ARHGEF25: variants seen among roughly 807,000 people sequenced by gnomAD.
ARHGEF25 encodes Rho guanine nucleotide exchange factor 25, also known as RAC/CDC42 exchange factor.
ARHGEF25 carries 42 observed loss-of-function variants against 74.0 expected under a neutral mutation model. The observed-to-expected ratio is 0.57, with a 90% CI of 0.44 to 0.73. The LOEUF is 0.73. Among genes scored for constraint, ARHGEF25 ranks in the 30% least tolerant of loss-of-function variants. ARHGEF25 has a pLI of 0.00. For synonymous variants in ARHGEF25, 293 were observed against 278.6 expected (o/e 1.05, Z -0.51); for missense variants, 645 against 725.5 (o/e 0.89, Z 1.27).
At chr12:57,610,450 T>A, upstream of ARHGEF25, 1 of 1,092,308 alleles carries the variant, frequency 9.2e-7, no homozygotes, top group Non-Finnish European at 1.3e-6. Context: ...ACGAGGGCCA[T>A]AGCCCCGTTC....
At position 57,613,712 on chromosome 12, in the gene ARHGEF25, G is replaced by C. The variant is rs1392173597; in HGVS notation, c.504G>C (p.Leu168=). 6.2e-7 allele frequency: 1 copy of C among 1,614,006 alleles called. No homozygotes were observed. Among genetic ancestry groups the C allele is most frequent in the Non-Finnish European group, 8.5e-7 (1 of 1,179,998 alleles). ...LERSMYVLSE[L]VETEKMYVDD... ...ATCCTAGGTATGTCCTGAGTGAACT[G>C]GTAGAAACAGAGAAAATGTACGTGG... The change falls in exon 5 of 15, where the codon CTG becomes CTC. Residue 168 remains leucine, a synonymous_variant. Transcript: ENST00000286494.
rs1884147454 is a variant in ARHGEF25 at position 57,613,518 on chromosome 12, TA to T, written c.485+4del. 1 of 1,614,072 alleles carries T rather than the reference TA, an allele frequency of 6.2e-7. No homozygotes were observed. Among genetic ancestry groups the T allele is most frequent in the South Asian group, 1.1e-5 (1 of 91,080 alleles). On this transcript the variant is annotated splice_donor_region_variant and intron_variant, in intron 4 of 14. Transcript: ENST00000286494. The stretch of plus-strand genomic sequence containing the variant: ...GAAGAAGGCTCTGGAAAGGAGTATG[TA>T]AGTGTCCACAGCCCTTCCCTGCAGT...
In ARHGEF25 at chr12:57,611,772, C is replaced by T. The variant is rs1319272864; in HGVS notation, c.-123C>T. ...CTCCCGGTCCCCTCCCTCCCCCCCT[C>T]CCACAGCCTGGACCGGGGTAGGAGG... On this transcript the variant is annotated 5_prime_UTR_variant, in exon 1 of 15. Transcript: ENST00000286494. This position sits in a 1 kb window ranked among gnomAD's most constrained non-coding sequence, Gnocchi z 4.5. The T allele has an allele frequency of 6.1e-6, 7 of 1,146,202 alleles. No homozygotes were observed. Among genetic ancestry groups the T allele is most frequent in the Non-Finnish European group, 3.3e-6 (3 of 916,068 alleles). 71.0% of individuals were successfully genotyped at this position (1,146,202 alleles called of 1,614,324 possible). A position where few individuals can be genotyped will look rare whatever the true frequency, so the allele number is the denominator to read the frequency against.
rs984236213 is a variant in ARHGEF25, at chr12:57,616,001, A to G, written c.1404A>G (p.Gln468=). 1.2e-6 allele frequency: 2 copies of G among 1,612,516 alleles called. No homozygotes were observed. Among genetic ancestry groups the G allele is most frequent in the South Asian group, 1.1e-5 (1 of 90,894 alleles). Residue 468 remains glutamine, a synonymous_variant, in exon 13 of 15, where the codon CAA becomes CAG. Transcript: ENST00000286494. The stretch of plus-strand genomic sequence containing the variant: ...ATGTGGCTCAGATCTTGGAGAGCCA[A>G]CGGGACTTCCTCAACGGTGAAGCTC... ...IKHVAQILES[Q]RDFLNALQSP...
rs140959163 is a variant in ARHGEF25 at position 57,613,055 on chromosome 12, G to A, written c.223G>A (p.Val75Ile). ...CTGTTCCCCAGGCCCCCCAGGGCCCGTCAGTGGCCTGAGGAGATGGTTGGA... is the reference window on the plus strand; with the variant it reads ...CTGTTCCCCAGGCCCCCCAGGGCCCATCAGTGGCCTGAGGAGATGGTTGGA... ...GPCSPGPPGP[V>I]SGLRRWLDHS... Residue 75 changes from valine (V) to isoleucine (I), a missense_variant, in exon 2 of 15, where the codon GTC (valine) becomes ATC (isoleucine). Val to Ile is a conservative substitution (Grantham distance 29). Around this residue, in one of 3 missense-constraint regions of ARHGEF25, gnomAD observed 189 missense variants for 199.1 expected, o/e 0.95. Transcript: ENST00000286494. 3.9e-4 allele frequency: 628 copies of A among 1,614,152 alleles called. 1 individual carries two copies. Among genetic ancestry groups the A allele is most frequent in the Non-Finnish European group, 4.9e-4 (583 of 1,180,006 alleles).
At position 57,613,531 on chromosome 12, in the gene ARHGEF25, C is replaced by T; in HGVS notation, c.485+15C>T. On this transcript the variant is annotated intron_variant, in intron 4 of 14. Coordinates refer to ENST00000286494, the MANE Select transcript of ARHGEF25 (RefSeq NM_182947.4). ...GAAAGGAGTATGTAAGTGTCCACAG[C>T]CCTTCCCTGCAGTTGCACAACTTCC... 1 of 1,614,108 alleles carries T rather than the reference C, an allele frequency of 6.2e-7. No homozygotes were observed.
At chr12:57,612,847 A>T in intron 1 of ARHGEF25, 83 bp from the exon 2 acceptor site, 1 of 1,540,842 alleles carries the variant, frequency 6.5e-7, no homozygotes. Context: ...CATCATGAAG[A>T]GAAGACCCTG....
chr12:57,611,927 C>A lies in ARHGEF25; in HGVS notation c.33C>A (p.Ala11=). 7.7e-7 allele frequency: 1 copy of A among 1,300,482 alleles called. No individual in the cohort carries two copies. Among genetic ancestry groups the A allele is most frequent in the Non-Finnish European group, 9.9e-7 (1 of 1,012,352 alleles). The allele number at this position is 1,300,482 out of a possible 1,614,324, so 80.6% of individuals were successfully genotyped here. A position where few individuals can be genotyped will look rare whatever the true frequency, so the allele number is the denominator to read the frequency against. The change falls in exon 1 of 15, where the codon GCC becomes GCA. Residue 11 remains alanine (A), a synonymous_variant. Transcript: ENST00000286494. This position sits in a 1 kb window ranked among gnomAD's most constrained non-coding sequence, Gnocchi z 4.5. The part of the protein sequence containing the change: MRGGHKGGRC[A]CPRVIRKVLA... ...GGGGGCACAAAGGGGGTCGCTGTGC[C>A]TGTCCCCGTGTGATCCGAAAAGTGC...
Position 57,613,733 on chromosome 12 carries a change from C to T in ARHGEF25, c.525C>T (p.Tyr175=), listed in dbSNP as rs763363527. Residue 175 remains tyrosine, a synonymous_variant, in exon 5 of 15, where the codon TAC becomes TAT. Coordinates refer to ENST00000286494, the MANE Select transcript of ARHGEF25 (RefSeq NM_182947.4). ...AACTGGTAGAAACAGAGAAAATGTA[C>T]GTGGACGACTTGGGGCAGATTGTGG... ...LSELVETEKM[Y]VDDLGQIVEG... is the part of the protein sequence containing the mutation. 1.3e-5 allele frequency: 21 copies of T among 1,613,996 alleles called. 1 individual carries two copies. In the South Asian group the frequency reaches 1.4e-4, roughly 11 times the overall value.
upstream of ARHGEF25, among the ~76,000 whole-genome samples, chr12:57,610,871 C>G (rs1357745622): frequency 6.6e-6 from 1 of 152,134 alleles, no homozygotes; most frequent in Non-Finnish European, 1.5e-5. Flanking sequence ...CGATCCCGAG[C>G]CCTCGCAGGC....
chr12:57,615,837 G>T lies in ARHGEF25; in HGVS notation c.1240G>T (p.Val414Leu), dbSNP rs1396636714. Residue 414 changes from valine (V) to leucine (L), a missense_variant and splice_region_variant, in exon 13 of 15, where the codon GTG (valine) becomes TTG (leucine). Val to Leu is a conservative substitution (Grantham distance 32). This residue lies in a region of ARHGEF25 where 262 missense variants were observed against 256.9 expected (regional missense o/e 1.02). Coordinates refer to ENST00000286494, the MANE Select transcript of ARHGEF25 (RefSeq NM_182947.4). ...GGCTGTCTCCTATCTGCCAATTCAG[G>T]TGAGCTGCCTGGGACTGGAGGGGAA... ...PGYVYKNSIK[V>L]SCLGLEGNLQ... The T allele has an allele frequency of 6.2e-7, 1 of 1,613,348 alleles. No individual in the cohort carries two copies. The highest frequency in any genetic ancestry group is 8.5e-7 in the Non-Finnish European group (1 of 1,179,656).
intron 10 of ARHGEF25, 104 bp from the exon 11 acceptor site, chr12:57,615,133 G>A (rs755624600): frequency 1.5e-4 from 241 of 1,562,326 alleles, no homozygotes; most frequent in Non-Finnish European, 2.0e-4. Flanking sequence ...GGGGAGGCTG[G>A]TTGGGGTTGA....
chr12:57,611,682 CCTCT>C lies in ARHGEF25; in HGVS notation c.-204_-201del, dbSNP rs1185831516. On this transcript the variant is annotated 5_prime_UTR_variant, in exon 1 of 15. Coordinates refer to ENST00000286494, the MANE Select transcript of ARHGEF25 (RefSeq NM_182947.4). This position sits in a 1 kb window ranked among gnomAD's most constrained non-coding sequence, Gnocchi z 4.5. Reference sequence around the variant, plus strand: ...CCCAGCCCGGCGGCCGGGCCCCGCGCCTCTCTCTCTCTAGAGCCCCCAGCCCTCC... The same window carrying C: ...CCCAGCCCGGCGGCCGGGCCCCGCGCCTCTCTCTAGAGCCCCCAGCCCTCC... 2.6e-6 allele frequency: 3 copies of C among 1,134,094 alleles called. No homozygotes were observed. Among genetic ancestry groups the C allele is most frequent in the African/African-American group, 1.6e-5 (1 of 61,426 alleles). 70.3% of individuals were successfully genotyped at this position (1,134,094 alleles called of 1,614,324 possible). A position where few individuals can be genotyped will look rare whatever the true frequency, so the allele number is the denominator to read the frequency against.
chr12:57,613,158 G>A lies in ARHGEF25; in HGVS notation c.312+14G>A, dbSNP rs372239766. ...GGACCATATGAGGTGAGCAGGGAAC[G>A]GCACCAAAGCATGTGGGACATCTAT... On this transcript the variant is annotated intron_variant, in intron 2 of 14. Transcript: ENST00000286494. 10 of 1,610,920 alleles carry A rather than the reference G, an allele frequency of 6.2e-6. No individual in the cohort carries two copies. Among genetic ancestry groups the A allele is most frequent in the South Asian group, 5.5e-5 (5 of 90,910 alleles).
Position 57,614,186 on chromosome 12 carries a change from ACAT to A in ARHGEF25, c.656+70_656+72del, listed in dbSNP as rs1884180741. The A allele has an allele frequency of 6.3e-7, 1 of 1,592,490 alleles. No homozygotes were observed. The highest frequency in any genetic ancestry group is 1.3e-5 in the African/African-American group (1 of 74,406). ...CCTCATCTGGTTGTCCTGTATCCTAACATCAGCCCATTGCGACTTAAGGAATGT... is the reference window on the plus strand; with the variant it reads ...CCTCATCTGGTTGTCCTGTATCCTAACAGCCCATTGCGACTTAAGGAATGT... On this transcript the variant is annotated intron_variant, in intron 6 of 14. Transcript: ENST00000286494. The surrounding 1 kb of genome is among the most constrained non-coding windows in gnomAD (Gnocchi z 4.6).
upstream of ARHGEF25, chr12:57,610,312 G>T (rs1384278639): frequency 3.3e-6 from 5 of 1,536,512 alleles, no homozygotes; most frequent in Non-Finnish European, 4.4e-6. Context: ...CTGGGCAGGA[G>T]GGGGTAAGAA....
Position 57,614,421 on chromosome 12 carries a change from G to A in ARHGEF25, c.726+21G>A, listed in dbSNP as rs747354251. The A allele has an allele frequency of 1.2e-6, 2 of 1,614,164 alleles. No individual in the cohort carries two copies. The highest frequency in any genetic ancestry group is 1.7e-6 in the Non-Finnish European group (2 of 1,180,022). On this transcript the variant is annotated intron_variant, in intron 7 of 14. Transcript: ENST00000286494. The surrounding 1 kb of genome is among the most constrained non-coding windows in gnomAD (Gnocchi z 4.6). ...AACACGTGAGGCTTGAGGGGGCAGG[G>A]CCTGGGGCGGGGCTTAGGAATGGGC...
In ARHGEF25 at chr12:57,616,398, A is replaced by C; in HGVS notation, c.1535A>C (p.Gln512Pro). Residue 512 changes from glutamine to proline, a missense_variant, in exon 14 of 15, where the codon CAG (glutamine) becomes CCG (proline). Around this residue, in one of 3 missense-constraint regions of ARHGEF25, gnomAD observed 262 missense variants for 256.9 expected, o/e 1.02. Coordinates refer to ENST00000286494, the MANE Select transcript of ARHGEF25 (RefSeq NM_182947.4). Reference protein sequence around the residue: ...PGRIQLGDQAQGSTHTPINGS... With the variant: ...PGRIQLGDQAPGSTHTPINGS... ...AGAATTCAGCTTGGAGATCAGGCCC[A>C]GGGCAGCACACACACACCCATCAAT... The C allele has an allele frequency of 6.2e-7, 1 of 1,614,004 alleles. No homozygotes were observed. The highest frequency in any genetic ancestry group is 8.5e-7 in the Non-Finnish European group (1 of 1,179,872).
rs536303463 is a variant in ARHGEF25, at chr12:57,615,902, A to G, written c.1305A>G (p.Arg435=). ...CTTGCCGCTTTGCACTGACCTCCAGAGGGCCAGAGGGTGGGATCCAGCGCT... is the reference window on the plus strand; with the variant it reads ...CTTGCCGCTTTGCACTGACCTCCAGGGGGCCAGAGGGTGGGATCCAGCGCT... ...GDPCRFALTS[R]GPEGGIQRYV... Residue 435 remains arginine, a synonymous_variant, in exon 13 of 15, where the codon AGA becomes AGG. Transcript: ENST00000286494. 162 of 1,614,108 alleles carry G rather than the reference A, an allele frequency of 1.0e-4. 1 individual carries two copies. The South Asian group carries it at 1.7e-3, about 17-fold the overall frequency.
Sources: gnomAD v4.1 joint callset for allele counts (sites outside exome capture counted in the v4.1 genomes callset) on GRCh38, gnomAD v4.1.1 for gene constraint, gnomAD v4.1.1 regional missense constraint, Gnocchi (gnomAD v3.1) non-coding constraint, MANE v1.5 for transcripts, NCBI Gene and HGNC (gene_info 2026-07-23, HGNC 2026-07-21) for gene names.